SUPT3H: variants seen among roughly 807,000 people sequenced by gnomAD.
SUPT3H encodes transcription initiation protein SPT3 homolog.
In SUPT3H, 44 loss-of-function variants were observed where a neutral mutation model predicts 44.3. The observed-to-expected ratio is 0.99, with a 90% CI of 0.78 to 1.28. The LOEUF (loss-of-function observed/expected upper bound fraction) is 1.28, where lower values mean the gene tolerates loss of function less well. SUPT3H is among the 50% of genes most tolerant of loss of function. The probability of loss-of-function intolerance (pLI) is 0.00; values close to 1 mark genes in which losing one functional copy is unlikely to be tolerated. For synonymous variants in SUPT3H, 124 were observed against 125.6 expected (o/e 0.99, Z 0.09); for missense variants, 380 against 387.1 (o/e 0.98, Z 0.15).
chr6:44,932,747 C>A lies in SUPT3H; in HGVS notation c.818G>T (p.Gly273Val). ...GATGGCATCGCTGTGAGCCTCAACA[C>A]CACAGGCTGCAGTGCTCTGCGACAG... ...HNSAESTAAC[G>V]VEAHSDAIQP... The change falls in exon 10 of 11, where the codon GGT (glycine) becomes GTT (valine). Residue 273 changes from glycine to valine, a missense_variant. Gly to Val is a moderately radical substitution (Grantham distance 109, BLOSUM62 -3). Transcript: ENST00000371459. The A allele has an allele frequency of 6.2e-7, 1 of 1,608,658 alleles. No homozygotes were observed. The highest frequency in any genetic ancestry group is 1.7e-5 in the Admixed American group (1 of 58,716).
chr6:44,959,039 CTTGT>C (rs535045498), intron 7 of SUPT3H, among the ~76,000 whole-genome samples: 154 of 151,944 alleles, frequency 1.0e-3, no homozygotes, highest in African/African-American at 3.2e-3. Context: ...CCACGCCTGG[CTTGT>C]TTGTTTGTTT....
At chr6:45,022,944 G>A (rs1297561785) in intron 3 of SUPT3H, among the ~76,000 whole-genome samples, 1 of 151,998 alleles carries the variant, frequency 6.6e-6, no homozygotes, top group African/African-American at 2.4e-5. Context: ...CTGCATATAA[G>A]TGGGACCATG....
chr6:45,331,064 A>T (rs1787378505), intron 2 of SUPT3H, among the ~76,000 whole-genome samples: 2 of 152,070 alleles, frequency 1.3e-5, no homozygotes, highest in South Asian at 4.1e-4. Context: ...TGAGGTACAA[A>T]GCACACATTA....
chr6:45,207,596 C>T (rs1763393961), intron 2 of SUPT3H, among the ~76,000 whole-genome samples: 2 of 152,148 alleles, frequency 1.3e-5, no homozygotes, highest in South Asian at 4.1e-4. Flanking sequence ...CATTTTTCAA[C>T]AGCATGGGCT....
chr6:44,983,911 T>A (rs1175869664), intron 6 of SUPT3H, among the ~76,000 whole-genome samples: 2 of 152,218 alleles, frequency 1.3e-5, no homozygotes, highest in East Asian at 3.8e-4. Flanking sequence ...CTAAGATAAC[T>A]GTACAGTATG....
intron 9 of SUPT3H, among the ~76,000 whole-genome samples, chr6:44,937,121 A>T (rs1039471901): frequency 1.3e-5 from 2 of 152,162 alleles, no homozygotes; most frequent in Non-Finnish European, 2.9e-5. Context: ...TTTTTGATGT[A>T]ATGATTTCTT....
chr6:44,830,925 A>C lies in SUPT3H; in HGVS notation c.913-1068T>G, dbSNP rs1456983049. 2.0e-5 allele frequency among the ~76,000 whole-genome samples: 3 copies of C among 148,418 alleles called. No individual in the cohort carries two copies. The East Asian group carries it at 6.2e-4, about 31-fold the overall frequency. ...AATACAGAATAACCTTTTACGATCA[A>C]GATAATGCTATGGAGGCAGTGAAAT... is the stretch of plus-strand genomic sequence containing the variant. On this transcript the variant is annotated intron_variant, in intron 10 of 10. Transcript: ENST00000371459.
intron 6 of SUPT3H, among the ~76,000 whole-genome samples, chr6:45,000,335 C>G (rs9472418): frequency 0.32 from 48,549 of 151,730 alleles, 9,497 homozygotes; most frequent in East Asian, 0.55. Context: ...ATTTTATTTT[C>G]CTTTTCCTTA....
At chr6:44,813,527 A>T (rs1766683196) in intron 11 of SUPT3H, among the ~76,000 whole-genome samples, 1 of 151,262 alleles carries the variant, frequency 6.6e-6, no homozygotes, top group African/African-American at 2.4e-5. Context: ...GATGTCTGGC[A>T]TTCAGTAAAA....
At chr6:45,280,179 T>G (rs558999551) in intron 2 of SUPT3H, among the ~76,000 whole-genome samples, 1 of 152,236 alleles carries the variant, frequency 6.6e-6, no homozygotes, top group East Asian at 1.9e-4. Context: ...AAGAACTAAA[T>G]GAGGGTACAC....
intron 11 of SUPT3H, among the ~76,000 whole-genome samples, chr6:44,816,231 G>C (rs775437766): frequency 2.6e-5 from 4 of 152,144 alleles, no homozygotes; most frequent in Non-Finnish European, 4.4e-5. Context: ...GTAGTGTTTA[G>C]AGGGAAACTG....
chr6:45,273,337 G>C (rs1776511016), intron 2 of SUPT3H, among the ~76,000 whole-genome samples: 1 of 152,090 alleles, frequency 6.6e-6, no homozygotes, highest in African/African-American at 2.4e-5. Flanking sequence ...GTAAACTGCT[G>C]ATCTCTTGGG....
In SUPT3H at chr6:45,074,648, T is replaced by C. The variant is rs559382135; in HGVS notation, c.186+31274A>G. 3.9e-5 allele frequency among the ~76,000 whole-genome samples: 6 copies of C among 152,090 alleles called. No individual in the cohort carries two copies. In the East Asian group the frequency reaches 9.7e-4, roughly 24 times the overall value. On this transcript the variant is annotated intron_variant, in intron 3 of 10. Transcript: ENST00000371459. ...GAACAGACACGCTAAACTATGGTAA[T>C]AGAAACCACTGGAGGAAGTAAGAAA...
chr6:44,820,804 G>A (rs570295392), intron 11 of SUPT3H, among the ~76,000 whole-genome samples: 44 of 152,254 alleles, frequency 2.9e-4, no homozygotes, highest in Non-Finnish European at 6.0e-4. Flanking sequence ...AGCAGGGGTT[G>A]GGGTCTCAAT....
intron 2 of SUPT3H, among the ~76,000 whole-genome samples, chr6:45,243,028 T>C (rs2153647751): frequency 6.6e-6 from 1 of 152,028 alleles, no homozygotes; most frequent in East Asian, 1.9e-4. Flanking sequence ...ACCCTGTCTC[T>C]ACTAAAAATA....
At chr6:45,203,932 C>T (rs745357892) in intron 2 of SUPT3H, among the ~76,000 whole-genome samples, 3 of 152,102 alleles carry the variant, frequency 2.0e-5, no homozygotes, top group Non-Finnish European at 4.4e-5. Context: ...TGGCAGCTTT[C>T]TATAATAAAT....
chr6:45,371,186 A>G (rs191468244), intron 1 of SUPT3H, among the ~76,000 whole-genome samples: 79 of 152,348 alleles, frequency 5.2e-4, no homozygotes, highest in South Asian at 1.2e-3. Flanking sequence ...CTTAAAAATC[A>G]AAACTCTCTT....
intron 6 of SUPT3H, among the ~76,000 whole-genome samples, chr6:44,994,712 T>G (rs1461760537): frequency 1.3e-5 from 2 of 152,112 alleles, no homozygotes; most frequent in Non-Finnish European, 2.9e-5. Flanking sequence ...CTATAGTCAT[T>G]TGTGCTCCTA....
At chr6:45,301,395 C>T (rs1451187055) in intron 2 of SUPT3H, among the ~76,000 whole-genome samples, 1 of 152,098 alleles carries the variant, frequency 6.6e-6, no homozygotes, top group Admixed American at 6.5e-5. Context: ...GGGAAGTTCT[C>T]TTTTTTCTAT....
Sources: allele counts gnomAD v4.1 joint callset (sites outside exome capture counted in the v4.1 genomes callset), GRCh38; gene constraint gnomAD v4.1.1; transcripts MANE v1.5; gene names NCBI Gene and HGNC (gene_info 2026-07-23, HGNC 2026-07-21).